The following SRL variants were observed in gnomAD, a reference collection of about 807,000 sequenced individuals.
SRL encodes the protein sarcalumenin.
A neutral mutation model predicts 39.5 loss-of-function variants in SRL; 23 were observed. That is an observed-to-expected ratio of 0.58 (90% CI 0.42 to 0.82). The LOEUF is 0.82. SRL is among the 40% of genes least tolerant of loss of function. The probability of loss-of-function intolerance (pLI) is 0.00; values close to 1 mark genes in which losing one functional copy is unlikely to be tolerated. For missense variants in SRL, 592 were observed against 607.8 expected (o/e 0.97, Z 0.27); for synonymous variants, 272 against 237.4 (o/e 1.15, Z -1.34).
rs140207752 is a variant in SRL at position 4,226,313 on chromosome 16, A to G, written c.61+15694T>C. 2.5e-3 allele frequency among the ~76,000 whole-genome samples: 375 copies of G among 152,142 alleles called. 1 individual carries two copies. The highest frequency in any genetic ancestry group is 5.6e-3 in the Admixed American group (86 of 15,278). On this transcript the variant is annotated intron_variant, in intron 1 of 5. Coordinates refer to ENST00000399609, the MANE Select transcript of SRL (RefSeq NM_001098814.2). The stretch of plus-strand genomic sequence containing the variant: ...GAACGAATGGACAGCTGGATGGATG[A>G]ATGAATGGAAGGATGGATGGATGAA...
At chr16:4,224,800 G>T (rs1429141256) in intron 1 of SRL, among the ~76,000 whole-genome samples, 1 of 152,004 alleles carries the variant, frequency 6.6e-6, no homozygotes, top group Non-Finnish European at 1.5e-5. Flanking sequence ...TGATGTTTAT[G>T]AGCAGTGTGA....
intron 5 of SRL, among the ~76,000 whole-genome samples, chr16:4,195,142 G>A (rs1195141479): frequency 1.3e-5 from 2 of 152,108 alleles, no homozygotes; most frequent in African/African-American, 2.4e-5. Context: ...TGATCCACCT[G>A]CCTTGGCCTC....
intron 3 of SRL, among the ~76,000 whole-genome samples, chr16:4,200,726 G>A (rs538561663): frequency 6.6e-6 from 1 of 152,208 alleles, no homozygotes; most frequent in Non-Finnish European, 1.5e-5. Context: ...TGGCTGCTAG[G>A]CTACAAAAAA....
intron 5 of SRL, among the ~76,000 whole-genome samples, chr16:4,193,547 C>T (rs549487908): frequency 6.6e-6 from 1 of 152,306 alleles, no homozygotes; most frequent in African/African-American, 2.4e-5. Flanking sequence ...AGAATTTGAG[C>T]TTTGCCCCTG....
chr16:4,195,492 C>T, intron 5 of SRL, 61 bp downstream of exon 5: 1 of 1,545,846 alleles, frequency 6.5e-7, no homozygotes, highest in Non-Finnish European at 8.9e-7. Context: ...GCCATCATGC[C>T]TGGCCAAAAA....
intron 1 of SRL, among the ~76,000 whole-genome samples, chr16:4,217,687 C>T (rs928320637): frequency 1.3e-5 from 2 of 152,268 alleles, no homozygotes; most frequent in Non-Finnish European, 2.9e-5. Context: ...GCTTTGCCAG[C>T]CCCATCAGAG....
intron 1 of SRL, chr16:4,207,196 C>G: frequency 2.2e-6 from 1 of 457,036 alleles, no homozygotes; most frequent in South Asian, 1.5e-5. Context: ...GAGGGAACTC[C>G]TCCTTCTTCC....
intron 4 of SRL, among the ~76,000 whole-genome samples, chr16:4,196,209 C>T (rs955450551): frequency 1.3e-5 from 2 of 152,096 alleles, no homozygotes; most frequent in African/African-American, 4.8e-5. Flanking sequence ...ATCTGCCCAC[C>T]TTGGCCTCCC....
At position 4,215,928 on chromosome 16, in the gene SRL, G is replaced by A. The variant is rs114133765; in HGVS notation, c.62-11294C>T. Among the ~76,000 whole-genome samples the A allele has an allele frequency of 3.1e-3, 477 of 152,216 alleles. 2 individuals carry two copies. Among genetic ancestry groups the A allele is most frequent in the African/African-American group, 0.011 (448 of 41,542 alleles). On this transcript the variant is annotated intron_variant, in intron 1 of 5. Coordinates refer to ENST00000399609, the MANE Select transcript of SRL (RefSeq NM_001098814.2). ...GCGTGCGCCTGTGGTCCCAGCTACT[G>A]GGGAGGCTGTGGTTGACGGACCTCT...
intron 1 of SRL, among the ~76,000 whole-genome samples, chr16:4,212,949 T>C (rs546104741): frequency 6.6e-6 from 1 of 152,312 alleles, no homozygotes; most frequent in African/African-American, 2.4e-5. Context: ...CACTTCTACA[T>C]GGACTCAGAG....
At chr16:4,213,382 C>A (rs1436704464) in intron 1 of SRL, among the ~76,000 whole-genome samples, 3 of 83,822 alleles carry the variant, frequency 3.6e-5, no homozygotes, top group African/African-American at 1.2e-4. Context: ...CTTACAGCAT[C>A]TTTTTTTTTC....
intron 1 of SRL, among the ~76,000 whole-genome samples, chr16:4,237,116 T>C (rs1359165026): frequency 6.6e-6 from 1 of 151,870 alleles, no homozygotes; most frequent in African/African-American, 2.4e-5. Flanking sequence ...TCATTTTTTC[T>C]ATTTTTTGTT....
chr16:4,213,977 G>A (rs910590696), intron 1 of SRL, among the ~76,000 whole-genome samples: 4 of 152,178 alleles, frequency 2.6e-5, no homozygotes, highest in African/African-American at 9.7e-5. Flanking sequence ...CCCTGGGAGC[G>A]ACCATGACCT....
rs376196809 is a variant in SRL at position 4,241,603 on chromosome 16, C to T, written c.61+404G>A. On this transcript the variant is annotated intron_variant, in intron 1 of 5. Coordinates refer to ENST00000399609, the MANE Select transcript of SRL (RefSeq NM_001098814.2). The stretch of plus-strand genomic sequence containing the variant: ...AGTTCTCTTACCCGAGTGGGGCCTC[C>T]GCCTTATATCCCACCAGGTGGGAGG... Among the ~76,000 whole-genome samples, 5 of 152,324 alleles carry T rather than the reference C, an allele frequency of 3.3e-5. No homozygotes were observed. The East Asian group carries it at 9.7e-4, about 29-fold the overall frequency.
chr16:4,220,456 AC>A (rs1353692081), intron 1 of SRL, among the ~76,000 whole-genome samples: 10 of 140,604 alleles, frequency 7.1e-5, no homozygotes, highest in Non-Finnish European at 1.0e-4. Flanking sequence ...GAAAAAAAAA[AC>A]ACACACACAT....
At chr16:4,195,817 A>G (rs934002678) in intron 4 of SRL, 31 bp from the exon 5 acceptor site, 4 of 1,570,584 alleles carry the variant, frequency 2.5e-6, no homozygotes, top group Non-Finnish European at 3.5e-6. Flanking sequence ...GTGAAGGAAT[A>G]CATGATCTCT....
At chr16:4,241,152 G>A (rs1426874997) in intron 1 of SRL, among the ~76,000 whole-genome samples, 1 of 152,124 alleles carries the variant, frequency 6.6e-6, no homozygotes, top group African/African-American at 2.4e-5. Context: ...AAGACTCGGT[G>A]GGCAGTCCGG....
chr16:4,203,078 G>C, intron 3 of SRL, 88 bp downstream of exon 3: 2 of 1,139,580 alleles, frequency 1.8e-6, no homozygotes, highest in Non-Finnish European at 2.6e-6. Context: ...GGTACCGGGA[G>C]AGTCCAGGCC....
chr16:4,235,718 T>A (rs1251699614), intron 1 of SRL, among the ~76,000 whole-genome samples: 2 of 151,178 alleles, frequency 1.3e-5, no homozygotes, highest in African/African-American at 2.4e-5. Flanking sequence ...TAAATAAAAA[T>A]TAAAAAAAGA....
Sources: gnomAD v4.1 joint callset for allele counts (sites outside exome capture counted in the v4.1 genomes callset) on GRCh38, gnomAD v4.1.1 for gene constraint, MANE v1.5 for transcripts, NCBI Gene and HGNC (gene_info 2026-07-23, HGNC 2026-07-21) for gene names.